CFAP44: variants seen among roughly 807,000 people sequenced by gnomAD.
The protein encoded by CFAP44 is cilia- and flagella-associated protein 44.
Under a neutral mutation model 216.2 loss-of-function variants are expected in CFAP44, and 134 were observed. The observed-to-expected ratio is 0.62, with a 90% CI of 0.54 to 0.72. The LOEUF is 0.72. CFAP44 is among the 30% of genes least tolerant of loss of function. The pLI, the probability that CFAP44 is intolerant of heterozygous loss-of-function variation, is 0.00. For missense variants in CFAP44, 2,035 were observed against 2,182.1 expected, an observed-to-expected ratio of 0.93 and a Z score of 1.34; for synonymous variants, 700 against 727.6, an observed-to-expected ratio of 0.96 and a Z score of 0.61.
intron 22 of CFAP44, among the ~76,000 whole-genome samples, chr3:113,358,053 A>T (rs1249172367): frequency 2.0e-5 from 3 of 152,158 alleles, no homozygotes; most frequent in Non-Finnish European, 4.4e-5. Context: ...ATAATCTTAG[A>T]CATCATATGA....
rs774436326 is a variant in CFAP44 at position 113,296,868 on chromosome 3, G to A, written c.5095C>T (p.Arg1699Trp). Residue 1699 changes from arginine (R) to tryptophan (W), a missense_variant, in exon 33 of 35, where the codon CGG becomes TGG. Physicochemically the swap from Arg to Trp is moderately radical, Grantham distance 101 (BLOSUM62 -3). This residue lies in a region of CFAP44 where 1,883 missense variants were observed against 2,023.7 expected (regional missense o/e 0.93). Coordinates refer to ENST00000393845, the MANE Select transcript of CFAP44 (RefSeq NM_001164496.2). ...KTIHKMEETV[R>W]QLMISKFGRV... ...CCAAACTTGCTGATCATGAGCTGCC[G>A]GACTGTTTCCTCCATTTCTAAAAGA... 4.5e-5 allele frequency: 69 copies of A among 1,537,088 alleles called. No individual in the cohort carries two copies. The highest frequency in any genetic ancestry group is 1.4e-4 in the South Asian group (12 of 84,052).
chr3:113,391,790 G>C lies in CFAP44; in HGVS notation c.1890+3960C>G, dbSNP rs573168421. Among the ~76,000 whole-genome samples, 6 of 152,200 alleles carry C rather than the reference G, an allele frequency of 3.9e-5. 1 individual carries two copies. The East Asian group carries it at 1.2e-3, about 29-fold the overall frequency. ...AAAGAAGGCATGAGAATGGCAAACA[G>C]GTATATGAAAAGGTGCTCAACATCA... On this transcript the variant is annotated intron_variant, in intron 15 of 34. Coordinates refer to ENST00000393845, the MANE Select transcript of CFAP44 (RefSeq NM_001164496.2).
chr3:113,305,249 A>T, intron 30 of CFAP44, 97 bp from the exon 31 acceptor site: 1 of 1,026,472 alleles, frequency 9.7e-7, no homozygotes, highest in South Asian at 1.5e-5. Flanking sequence ...GTAAAGCATG[A>T]GCAGAATCTG....
In CFAP44 at chr3:113,330,265, A is replaced by G. The variant is rs1299637810; in HGVS notation, c.4019T>C (p.Leu1340Ser). ...CGTTGGCTCTGCTTTTTCAAATTCC[A>G]AACACTTTGGTATATCTAGGCTGAA... The part of the protein sequence containing the change: ...STFSLDIPKC[L>S]EFEKAEPTDV... Residue 1340 changes from leucine (L) to serine (S), a missense_variant, in exon 26 of 35, where the codon TTG becomes TCG. Around this residue, in one of 3 missense-constraint regions of CFAP44, gnomAD observed 1,883 missense variants for 2,023.7 expected, o/e 0.93. Coordinates refer to ENST00000393845, the MANE Select transcript of CFAP44 (RefSeq NM_001164496.2). The G allele has an allele frequency of 2.5e-5, 39 of 1,537,350 alleles. No homozygotes were observed. The highest frequency in any genetic ancestry group is 3.1e-5 in the Non-Finnish European group (36 of 1,146,962).
chr3:113,380,768 G>C (rs1933485191), intron 16 of CFAP44, 131 bp downstream of exon 16: 7 of 729,444 alleles, frequency 9.6e-6, no homozygotes, highest in Non-Finnish European at 1.4e-5. Flanking sequence ...TTTCCTACCA[G>C]ATTATAAACT....
rs151236498 is a variant in CFAP44 at position 113,329,675 on chromosome 3, G to A, written c.4116+493C>T. ...GAATTTCCTAGAAATAAGAATAGTC[G>A]CCATTCCAGCTCCAGAACAATCTCA... is the stretch of plus-strand genomic sequence containing the variant. On this transcript the variant is annotated intron_variant, in intron 26 of 34. Coordinates refer to ENST00000393845, the MANE Select transcript of CFAP44 (RefSeq NM_001164496.2). 1.3e-4 allele frequency among the ~76,000 whole-genome samples: 20 copies of A among 152,246 alleles called. No homozygotes were observed. The East Asian group carries it at 2.1e-3, about 16-fold the overall frequency.
chr3:113,410,348 T>C (rs1934427657), intron 6 of CFAP44, among the ~76,000 whole-genome samples: 1 of 152,174 alleles, frequency 6.6e-6, no homozygotes, highest in Non-Finnish European at 1.5e-5. Flanking sequence ...CCTTCCTGTG[T>C]CCAAGTGTTC....
chr3:113,373,429 A>G lies in CFAP44; in HGVS notation c.2426T>C (p.Ile809Thr). ...TGCTCACTTGAAAGTGATAGTTTGG[A>G]TGGGATTGTCCTCTGTATCCGCAAG... ...RYLADTEDNP[I>T]QTITFNINKV... Residue 809 changes from isoleucine to threonine, a missense_variant, in exon 18 of 35, where the codon ATC (isoleucine) becomes ACC (threonine). Physicochemically the swap from Ile to Thr is moderately conservative, Grantham distance 89. Transcript: ENST00000393845. The G allele has an allele frequency of 6.3e-7, 1 of 1,581,326 alleles. No individual in the cohort carries two copies. The highest frequency in any genetic ancestry group is 8.6e-7 in the Non-Finnish European group (1 of 1,162,936).
intron 34 of CFAP44, among the ~76,000 whole-genome samples, chr3:113,293,078 C>T (rs996021186): frequency 6.6e-6 from 1 of 152,156 alleles, no homozygotes; most frequent in Admixed American, 6.5e-5. Context: ...AAAAATGACT[C>T]CTATTTGTTT....
chr3:113,367,971 A>C (rs1933016943), intron 18 of CFAP44, among the ~76,000 whole-genome samples: 1 of 152,234 alleles, frequency 6.6e-6, no homozygotes, highest in Non-Finnish European at 1.5e-5. Context: ...GATTCAATCA[A>C]GTGGAAGAAA....
chr3:113,368,173 A>T (rs1162142759), intron 18 of CFAP44, among the ~76,000 whole-genome samples: 1 of 152,228 alleles, frequency 6.6e-6, no homozygotes, highest in Non-Finnish European at 1.5e-5. Flanking sequence ...TCTTCAGGAT[A>T]TCATCCAGGA....
chr3:113,436,594 C>G (rs2107421397), intron 1 of CFAP44, among the ~76,000 whole-genome samples: 1 of 152,302 alleles, frequency 6.6e-6, no homozygotes, highest in East Asian at 1.9e-4. Flanking sequence ...ACAGTCGTGA[C>G]TGAAGTGACT....
chr3:113,422,311 A>G (rs1934838729), intron 4 of CFAP44, among the ~76,000 whole-genome samples: 1 of 152,202 alleles, frequency 6.6e-6, no homozygotes, highest in Non-Finnish European at 1.5e-5. Flanking sequence ...ATTCATAAGT[A>G]AATAATAATT....
At chr3:113,292,460 A>G (rs926530798) in intron 34 of CFAP44, among the ~76,000 whole-genome samples, 3 of 152,238 alleles carry the variant, frequency 2.0e-5, no homozygotes, top group Non-Finnish European at 4.4e-5. Flanking sequence ...TGCTTTCTAC[A>G]TAAGTAGATG....
intron 4 of CFAP44, 167 bp downstream of exon 4, chr3:113,425,957 C>A: frequency 1.3e-6 from 1 of 754,106 alleles, no homozygotes; most frequent in Non-Finnish European, 2.1e-6. Context: ...GTGATGGCAG[C>A]CATAATAAAC....
intron 1 of CFAP44, among the ~76,000 whole-genome samples, chr3:113,439,857 G>A (rs1254068616): frequency 6.6e-6 from 1 of 152,174 alleles, no homozygotes; most frequent in Non-Finnish European, 1.5e-5. Context: ...TGTGCCAGAG[G>A]TGGTTATTTA....
At chr3:113,430,795 CTACACAAAA>C (rs1935086990) in intron 2 of CFAP44, among the ~76,000 whole-genome samples, 1 of 152,116 alleles carries the variant, frequency 6.6e-6, no homozygotes, top group Admixed American at 6.6e-5. Flanking sequence ...AATACCAATT[CTACACAAAA>C]TATTTTTGAA....
chr3:113,419,584 T>C (rs1177869287), intron 5 of CFAP44, among the ~76,000 whole-genome samples: 1 of 152,240 alleles, frequency 6.6e-6, no homozygotes, highest in East Asian at 1.9e-4. Context: ...ACATATCCTG[T>C]TTCCATAGTC....
intron 15 of CFAP44, among the ~76,000 whole-genome samples, chr3:113,394,804 T>C (rs1255468807): frequency 6.6e-6 from 1 of 152,228 alleles, no homozygotes; most frequent in Non-Finnish European, 1.5e-5. Context: ...AAAGCCCACA[T>C]GCATGCAGCC....
Sources: allele counts gnomAD v4.1 joint callset (sites outside exome capture counted in the v4.1 genomes callset), GRCh38; gene constraint gnomAD v4.1.1; regional missense constraint gnomAD v4.1.1; transcripts MANE v1.5; gene names NCBI Gene and HGNC (gene_info 2026-07-23, HGNC 2026-07-21).